Variants in ZNF536 observed in about 807,000 individuals in gnomAD.
ZNF536 encodes the protein zinc finger protein 536.
A neutral mutation model predicts 84.5 loss-of-function variants in ZNF536; 13 were observed. The observed-to-expected ratio is 0.15, with a 90% confidence interval of 0.10 to 0.24. The LOEUF (loss-of-function observed/expected upper bound fraction) is 0.24, where lower values mean the gene tolerates loss of function less well. ZNF536 is among the 10% of genes least tolerant of loss of function. ZNF536 has a pLI of 1.00. For synonymous variants in ZNF536, 811 were observed against 742.5 expected (o/e 1.09, Z -1.50); for missense variants, 1,536 against 1,747.5 (o/e 0.88, Z 2.16).
chr19:30,703,565 T>C (rs1278903231), intron 1 of ZNF536, among the ~76,000 whole-genome samples: 1 of 152,156 alleles, frequency 6.6e-6, no homozygotes, highest in African/African-American at 2.4e-5. Flanking sequence ...AGATCCCCCA[T>C]TCAAATGCCT....
chr19:30,283,063 T>A (rs2045506325), intron 1 of ZNF536, among the ~76,000 whole-genome samples: 1 of 152,224 alleles, frequency 6.6e-6, no homozygotes. Flanking sequence ...CAGTACAAAC[T>A]TCTTCGGCTG....
At chr19:30,358,649 A>C (rs1012060841) in intron 3 of ZNF536, among the ~76,000 whole-genome samples, 4 of 152,262 alleles carry the variant, frequency 2.6e-5, no homozygotes, top group Non-Finnish European at 5.9e-5. Flanking sequence ...TCTGATATGC[A>C]GGAATGGCAA....
chr19:30,411,204 G>T (rs540972434), intron 1 of ZNF536, among the ~76,000 whole-genome samples: 11 of 152,242 alleles, frequency 7.2e-5, no homozygotes, highest in Middle Eastern at 3.4e-3. Flanking sequence ...TAAAATTTTC[G>T]TGGATATTGA....
At chr19:30,246,006 A>G (rs1338339799) in intron 1 of ZNF536, among the ~76,000 whole-genome samples, 1 of 152,178 alleles carries the variant, frequency 6.6e-6, no homozygotes, top group Non-Finnish European at 1.5e-5. Flanking sequence ...TGTCTTTGGC[A>G]GTGCTTGATG....
At chr19:30,679,140 C>T (rs931413505) in intron 1 of ZNF536, among the ~76,000 whole-genome samples, 1 of 152,128 alleles carries the variant, frequency 6.6e-6, no homozygotes, top group Non-Finnish European at 1.5e-5. Context: ...AATTCTGAGG[C>T]CACACAGCTG....
intron 2 of ZNF536, among the ~76,000 whole-genome samples, chr19:30,309,325 C>A (rs992891635): frequency 1.3e-5 from 2 of 152,134 alleles, no homozygotes; most frequent in African/African-American, 2.4e-5. Flanking sequence ...TAACTGGTAT[C>A]CCGGGGGCCA....
chr19:30,312,324 G>A (rs919369301), intron 2 of ZNF536, among the ~76,000 whole-genome samples: 16 of 152,154 alleles, frequency 1.1e-4, no homozygotes, highest in African/African-American at 2.4e-4. Context: ...AGGGGGACGC[G>A]CCACAACTTT....
chr19:30,620,128 C>T (rs2048431022), intron 1 of ZNF536, among the ~76,000 whole-genome samples: 1 of 151,284 alleles, frequency 6.6e-6, no homozygotes, highest in Admixed American at 6.6e-5. Flanking sequence ...CTGGCTGACA[C>T]TCAGCCAGAC....
chr19:30,712,521 T>A (rs1202222865), exon 2 of ZNF536: 1 of 152,140 alleles, frequency 6.6e-6, no homozygotes, highest in East Asian at 1.9e-4. Flanking sequence ...TACAGCAGTT[T>A]ACAAAAATAC....
intron 3 of ZNF536, among the ~76,000 whole-genome samples, chr19:30,545,783 C>T (rs1362158534): frequency 6.6e-6 from 1 of 152,184 alleles, no homozygotes; most frequent in Non-Finnish European, 1.5e-5. Context: ...AGAAAGGCAG[C>T]CCTCCACATT....
intron 1 of ZNF536, among the ~76,000 whole-genome samples, chr19:30,263,677 C>T (rs1367210474): frequency 3.3e-5 from 5 of 152,174 alleles, no homozygotes; most frequent in African/African-American, 9.7e-5. Context: ...TTTTCAGCTA[C>T]TCATTCTGTT....
At chr19:30,691,965 C>T (rs943143021) in intron 1 of ZNF536, among the ~76,000 whole-genome samples, 1 of 152,200 alleles carries the variant, frequency 6.6e-6, no homozygotes, top group African/African-American at 2.4e-5. Flanking sequence ...CGGGCCTCCA[C>T]CTCCCCTCCA....
chr19:30,329,211 G>T (rs2047131041), intron 2 of ZNF536, among the ~76,000 whole-genome samples: 1 of 152,346 alleles, frequency 6.6e-6, no homozygotes, highest in Non-Finnish European at 1.5e-5. Context: ...GAACAGAACA[G>T]AGCCTTTATT....
intron 1 of ZNF536, among the ~76,000 whole-genome samples, chr19:30,687,824 C>A (rs957660086): frequency 6.7e-6 from 1 of 149,870 alleles, no homozygotes; most frequent in East Asian, 2.0e-4. Context: ...GTATTTCATT[C>A]TGACCTTTGG....
intron 1 of ZNF536, among the ~76,000 whole-genome samples, chr19:30,617,366 T>TTTTGTTTTTTTTA: frequency 8.6e-6 from 1 of 115,916 alleles, no homozygotes; most frequent in Non-Finnish European, 1.8e-5. Context: ...TTTTTTTTTT[T>TTTTGTTTTTTTTA]ATGAGATGGA....
intron 1 of ZNF536, among the ~76,000 whole-genome samples, chr19:30,235,659 A>AT (rs1368279847): frequency 6.6e-6 from 1 of 152,158 alleles, no homozygotes; most frequent in Non-Finnish European, 1.5e-5. Flanking sequence ...AGCTTACACA[A>AT]TTTTTGTGTG....
chr19:30,396,692 G>A (rs1000808797), intron 1 of ZNF536, among the ~76,000 whole-genome samples: 2 of 145,080 alleles, frequency 1.4e-5, no homozygotes, highest in African/African-American at 5.1e-5. Context: ...CCTCTGCCCC[G>A]CCGCCAGGTT....
At chr19:30,554,133 A>G (rs936090995) in intron 4 of ZNF536, 2 of 150,198 alleles carry the variant, frequency 1.3e-5, no homozygotes, top group Non-Finnish European at 2.9e-5. Flanking sequence ...TTCAAATTAC[A>G]TATTTTTATG....
chr19:30,546,051 A>T (rs2045543394), intron 3 of ZNF536, among the ~76,000 whole-genome samples: 1 of 152,154 alleles, frequency 6.6e-6, no homozygotes, highest in African/African-American at 2.4e-5. Flanking sequence ...TGTGGGCCCC[A>T]TCACAACCCC....
Sources: gnomAD v4.1 joint callset for allele counts (sites outside exome capture counted in the v4.1 genomes callset) on GRCh38, gnomAD v4.1.1 for gene constraint, MANE v1.5 for transcripts, NCBI Gene and HGNC (gene_info 2026-07-23, HGNC 2026-07-21) for gene names.